The following TPRG1 variants were observed in gnomAD, a reference collection of about 807,000 sequenced individuals.
TPRG1 encodes tumor protein p63-regulated gene 1 protein.
A neutral mutation model predicts 29.3 loss-of-function variants in TPRG1; 29 were observed. The observed-to-expected ratio is 0.99, with a 90% CI of 0.74 to 1.35. The LOEUF (loss-of-function observed/expected upper bound fraction) is 1.35. Ranked by LOEUF, TPRG1 falls within the 40% of genes most tolerant of loss-of-function variation. The probability of loss-of-function intolerance (pLI) is 0.00; values close to 1 mark genes in which losing one functional copy is unlikely to be tolerated. For synonymous variants in TPRG1, 130 were observed against 116.8 expected, an observed-to-expected ratio of 1.11 and a Z score of -0.73; for missense variants, 327 against 335.0, an observed-to-expected ratio of 0.98 and a Z score of 0.19.
chr3:189,121,297 A>C (rs1721800547), intron 1 of TPRG1: 3 of 152,200 alleles, frequency 2.0e-5, no homozygotes, highest in African/African-American at 7.2e-5. Context: ...GATACTCCGG[A>C]AGACAATATT....
intron 3 of TPRG1, among the ~76,000 whole-genome samples, chr3:189,218,298 A>T (rs1428648154): frequency 6.6e-6 from 1 of 151,352 alleles, no homozygotes; most frequent in Admixed American, 6.6e-5. Context: ...TTTTTTTTTT[A>T]GTAGAGATAG....
intron 1 of TPRG1, among the ~76,000 whole-genome samples, chr3:189,199,943 T>C (rs1039041828): frequency 6.6e-6 from 1 of 152,092 alleles, no homozygotes; most frequent in East Asian, 1.9e-4. Flanking sequence ...GGAGCACAAC[T>C]TGCAAACAAT....
chr3:189,007,233 G>A (rs573740261), intron 3 of TPRG1, among the ~76,000 whole-genome samples: 26 of 151,742 alleles, frequency 1.7e-4, no homozygotes, highest in South Asian at 2.1e-4. Flanking sequence ...AAAAGTGGGC[G>A]AAGGACATGA....
At chr3:189,262,897 A>G (rs965122506) in intron 4 of TPRG1, among the ~76,000 whole-genome samples, 3 of 152,246 alleles carry the variant, frequency 2.0e-5, no homozygotes, top group Admixed American at 6.5e-5. Context: ...CAGAGGTATC[A>G]GTTCCTTGCC....
chr3:189,278,283 G>T (rs1716501724), intron 4 of TPRG1, among the ~76,000 whole-genome samples: 1 of 152,144 alleles, frequency 6.6e-6, no homozygotes, highest in Admixed American at 6.5e-5. Context: ...ATCTTCCCAA[G>T]GTGAGCATTT....
At chr3:189,061,497 AACAG>A (rs1382727711) in intron 4 of TPRG1, among the ~76,000 whole-genome samples, 1 of 152,240 alleles carries the variant, frequency 6.6e-6, no homozygotes, top group Non-Finnish European at 1.5e-5. Flanking sequence ...TAACAGAGTA[AACAG>A]ACAATGTACA....
chr3:189,055,120 C>T (rs1402426076), intron 4 of TPRG1, among the ~76,000 whole-genome samples: 1 of 152,170 alleles, frequency 6.6e-6, no homozygotes, highest in Non-Finnish European at 1.5e-5. Context: ...AAAGTTTTGT[C>T]TATGAACACT....
chr3:189,128,560 G>A (rs747929811), intron 2 of TPRG1, among the ~76,000 whole-genome samples: 6 of 152,164 alleles, frequency 3.9e-5, no homozygotes, highest in Non-Finnish European at 8.8e-5. Flanking sequence ...AAAGAGTTAA[G>A]AAGTAATAAA....
chr3:189,091,707 A>G (rs998497479), intron 4 of TPRG1, among the ~76,000 whole-genome samples: 1 of 152,016 alleles, frequency 6.6e-6, no homozygotes, highest in African/African-American at 2.4e-5. Context: ...GTTACCTTCT[A>G]TTTTCAGATG....
At chr3:189,054,909 T>A (rs1378758613) in intron 4 of TPRG1, among the ~76,000 whole-genome samples, 1 of 152,166 alleles carries the variant, frequency 6.6e-6, no homozygotes, top group Non-Finnish European at 1.5e-5. Context: ...CATGTGCTGG[T>A]GGAAAGATGG....
intron 1 of TPRG1, among the ~76,000 whole-genome samples, chr3:189,110,400 T>A (rs944276982): frequency 6.6e-6 from 1 of 152,196 alleles, no homozygotes; most frequent in Non-Finnish European, 1.5e-5. Context: ...AATTGGTTTG[T>A]AAATGTTGGG....
intron 1 of TPRG1, among the ~76,000 whole-genome samples, chr3:189,117,657 T>C (rs1721340176): frequency 6.6e-6 from 1 of 152,216 alleles, no homozygotes; most frequent in Admixed American, 6.5e-5. Context: ...CACATGCTGT[T>C]CTTGTGATAA....
intron 3 of TPRG1, among the ~76,000 whole-genome samples, chr3:189,224,479 AAAC>A (rs1008855767): frequency 7.4e-5 from 11 of 148,086 alleles, no homozygotes; most frequent in African/African-American, 2.1e-4. Flanking sequence ...ACTCCATCTC[AAAC>A]AACAACAACA....
chr3:189,224,029 CAT>C (rs1324658028), intron 3 of TPRG1, among the ~76,000 whole-genome samples: 1 of 152,092 alleles, frequency 6.6e-6, no homozygotes, highest in East Asian at 1.9e-4. Flanking sequence ...GAAAGACAGA[CAT>C]GTAAACAAAG....
intron 4 of TPRG1, among the ~76,000 whole-genome samples, chr3:189,084,365 C>T (rs1717800301): frequency 6.6e-6 from 1 of 152,054 alleles, no homozygotes; most frequent in Non-Finnish European, 1.5e-5. Context: ...ACTTTCTGCT[C>T]AATATATATT....
At chr3:189,231,314 ACTTCT>A (rs1361533031) in intron 3 of TPRG1, among the ~76,000 whole-genome samples, 5 of 151,014 alleles carry the variant, frequency 3.3e-5, no homozygotes, top group Non-Finnish European at 5.9e-5. Context: ...GGAATTAATG[ACTTCT>A]CTTTTAATTT....
At chr3:189,274,375 T>C (rs1462241516) in intron 4 of TPRG1, among the ~76,000 whole-genome samples, 2 of 151,778 alleles carry the variant, frequency 1.3e-5, no homozygotes, top group Non-Finnish European at 2.9e-5. Context: ...TTTTCCTGGA[T>C]TGGGAAAAAT....
chr3:189,041,358 A>G lies in TPRG1; in HGVS notation c.-463+17412A>G, dbSNP rs148611050. On this transcript the variant is annotated intron_variant, in intron 4 of 10. Coordinates refer to the TPRG1 transcript ENST00000433971. ...GTAACAGGAAAAATATAGTATTGCA[A>G]CTAAGAATCTGAACTTTGAAATCAG... Among the ~76,000 whole-genome samples the G allele has an allele frequency of 1.1e-4, 16 of 152,350 alleles. 1 individual carries two copies. The highest frequency in any genetic ancestry group is 3.8e-4 in the African/African-American group (16 of 41,586).
intron 1 of TPRG1, among the ~76,000 whole-genome samples, chr3:189,200,213 A>T (rs1035368883): frequency 9.8e-5 from 15 of 152,310 alleles, no homozygotes; most frequent in African/African-American, 2.6e-4. Context: ...TTCCCCCAGG[A>T]CACAGAGCAG....
Sources: gnomAD v4.1 joint callset for allele counts (sites outside exome capture counted in the v4.1 genomes callset) on GRCh38, gnomAD v4.1.1 for gene constraint, MANE v1.5 for transcripts, NCBI Gene and HGNC (gene_info 2026-07-23, HGNC 2026-07-21) for gene names.